TNNI3K: variants seen among roughly 807,000 people sequenced by gnomAD.
TNNI3K encodes serine/threonine-protein kinase TNNI3K.
A neutral mutation model predicts 114.5 loss-of-function variants in TNNI3K; 140 were observed. The ratio of observed to expected loss-of-function variants is 1.22; its 90% CI spans 1.07 to 1.41. The LOEUF (loss-of-function observed/expected upper bound fraction) is 1.41. Among genes scored for constraint, TNNI3K ranks in the 40% most tolerant of loss-of-function variants. The pLI is 0.00. For missense variants in TNNI3K, 1,125 were observed against 1,007.6 expected (o/e 1.12, Z -1.58); for synonymous variants, 347 against 347.5 (o/e 1.00, Z 0.02).
chr1:74,447,446 G>T (rs541337380), intron 20 of TNNI3K, among the ~76,000 whole-genome samples: 1 of 145,284 alleles, frequency 6.9e-6, no homozygotes, highest in African/African-American at 2.7e-5. Context: ...AAAAGTGGGC[G>T]AAGGACATGA....
At chr1:74,254,191 T>G (rs551228003) in intron 4 of TNNI3K, among the ~76,000 whole-genome samples, 1 of 152,308 alleles carries the variant, frequency 6.6e-6, no homozygotes, top group East Asian at 1.9e-4. Context: ...TGACAGTAAA[T>G]TGTATAAAAC....
rs188787027 is a variant in TNNI3K, at chr1:74,465,807, C to A, written c.2121+2257C>A. 9.2e-5 allele frequency among the ~76,000 whole-genome samples: 14 copies of A among 152,248 alleles called. No homozygotes were observed. In the East Asian group the frequency reaches 2.7e-3, roughly 29 times the overall value. ...CAGCACTCTGTGTCTAGCTCAGGGA[C>A]CGTAAACACACCAATCAGCACCCTG... On this transcript the variant is annotated intron_variant, in intron 21 of 24. Coordinates refer to ENST00000326637, the MANE Select transcript of TNNI3K (RefSeq NM_015978.3).
At chr1:74,235,874 T>C (rs1401205006) in intron 1 of TNNI3K, among the ~76,000 whole-genome samples, 1 of 151,560 alleles carries the variant, frequency 6.6e-6, no homozygotes, top group Non-Finnish European at 1.5e-5. Flanking sequence ...AATATATTTT[T>C]CTATGTAAAT....
intron 20 of TNNI3K, among the ~76,000 whole-genome samples, chr1:74,449,534 G>A (rs1409145113): frequency 6.6e-6 from 1 of 151,866 alleles, no homozygotes; most frequent in Non-Finnish European, 1.5e-5. Context: ...GACACACATA[G>A]GCTCAAAATA....
Position 74,540,441 on chromosome 1 carries a change from A to C in TNNI3K, c.2431+128A>C. On this transcript the variant is annotated intron_variant, in intron 24 of 24. Coordinates refer to ENST00000326637, the MANE Select transcript of TNNI3K (RefSeq NM_015978.3). ...ATGACAGATGCTTTAAAAATATAAA[A>C]GTATAAAATTTGATTTTATATGTCT... 4 of 892,242 alleles carry C rather than the reference A, an allele frequency of 4.5e-6. No individual in the cohort carries two copies. In the South Asian group the frequency reaches 7.6e-5, roughly 17 times the overall value. The allele number at this position is 892,242 out of a possible 1,614,324, so 55.3% of individuals were successfully genotyped here.
At chr1:74,293,121 T>G (rs1657780724) in intron 5 of TNNI3K, among the ~76,000 whole-genome samples, 1 of 151,724 alleles carries the variant, frequency 6.6e-6, no homozygotes, top group African/African-American at 2.4e-5. Context: ...TAATTGAATT[T>G]TATTCTACCC....
At chr1:74,276,040 A>G (rs1656663404) in intron 5 of TNNI3K, among the ~76,000 whole-genome samples, 1 of 152,130 alleles carries the variant, frequency 6.6e-6, no homozygotes, top group African/African-American at 2.4e-5. Flanking sequence ...CTTTGACTGC[A>G]TGATTTAGCA....
At chr1:74,539,277 G>GT (rs889807302) in intron 23 of TNNI3K, among the ~76,000 whole-genome samples, 4 of 152,180 alleles carry the variant, frequency 2.6e-5, no homozygotes, top group Non-Finnish European at 4.4e-5. Flanking sequence ...ACTGAACGAT[G>GT]TAATACTGGT....
chr1:74,290,548 A>G (rs1309201123), intron 5 of TNNI3K, among the ~76,000 whole-genome samples: 1 of 151,828 alleles, frequency 6.6e-6, no homozygotes, highest in East Asian at 1.9e-4. Flanking sequence ...TTAAATATTG[A>G]TTAAATCAAA....
At chr1:74,243,905 G>A (rs3765652) in intron 2 of TNNI3K, among the ~76,000 whole-genome samples, 1 of 151,974 alleles carries the variant, frequency 6.6e-6, no homozygotes, top group Non-Finnish European at 1.5e-5. Context: ...AAAAATGTAA[G>A]GGGAAATTAA....
chr1:74,528,951 A>T (rs888703312), intron 23 of TNNI3K, among the ~76,000 whole-genome samples: 1 of 152,224 alleles, frequency 6.6e-6, no homozygotes, highest in East Asian at 1.9e-4. Flanking sequence ...AAGGAGAAAG[A>T]TACAAAGAAA....
intron 23 of TNNI3K, among the ~76,000 whole-genome samples, chr1:74,524,449 A>G (rs1476763272): frequency 6.6e-6 from 1 of 152,176 alleles, no homozygotes; most frequent in East Asian, 1.9e-4. Flanking sequence ...TGTAGGGCCA[A>G]CTGGTGACTA....
intron 23 of TNNI3K, among the ~76,000 whole-genome samples, chr1:74,522,843 G>A (rs952851621): frequency 1.3e-5 from 2 of 152,154 alleles, no homozygotes; most frequent in Non-Finnish European, 2.9e-5. Context: ...CCTGTAGAAG[G>A]AATTCAAGAT....
chr1:74,266,304 T>C (rs184264592), intron 4 of TNNI3K, among the ~76,000 whole-genome samples: 28 of 152,162 alleles, frequency 1.8e-4, no homozygotes, highest in Admixed American at 1.2e-3. Context: ...ACCTTCTCCA[T>C]GTGGCCTGCA....
At chr1:74,282,254 C>T (rs1454678405) in intron 5 of TNNI3K, among the ~76,000 whole-genome samples, 1 of 152,062 alleles carries the variant, frequency 6.6e-6, no homozygotes, top group Non-Finnish European at 1.5e-5. Flanking sequence ...CTACTGCTAC[C>T]ATGGCCCATC....
At chr1:74,451,767 C>CTTT (rs60534624) in intron 20 of TNNI3K, among the ~76,000 whole-genome samples, 1 of 32,522 alleles carries the variant, frequency 3.1e-5, no homozygotes, top group Non-Finnish European at 5.8e-5. Context: ...CTTTTCTTTT[C>CTTT]TTCTTTTCTT....
At chr1:74,355,455 G>A (rs1570512463) in intron 11 of TNNI3K, among the ~76,000 whole-genome samples, 1 of 151,790 alleles carries the variant, frequency 6.6e-6, no homozygotes, top group Non-Finnish European at 1.5e-5. Flanking sequence ...AATACAAAAA[G>A]TAGCTGGGTG....
chr1:74,285,000 G>A (rs546403241), intron 5 of TNNI3K, among the ~76,000 whole-genome samples: 5 of 152,306 alleles, frequency 3.3e-5, no homozygotes, highest in African/African-American at 1.2e-4. Context: ...AAGTTAAATA[G>A]GATAAAGGGC....
At chr1:74,459,357 A>C (rs753731956) in intron 20 of TNNI3K, among the ~76,000 whole-genome samples, 6 of 152,210 alleles carry the variant, frequency 3.9e-5, no homozygotes, top group Non-Finnish European at 4.4e-5. Flanking sequence ...ACAAATAAAG[A>C]GGCAATTAAG....
Sources: gnomAD v4.1 joint callset for allele counts (sites outside exome capture counted in the v4.1 genomes callset) on GRCh38, gnomAD v4.1.1 for gene constraint, MANE v1.5 for transcripts, NCBI Gene and HGNC (gene_info 2026-07-23, HGNC 2026-07-21) for gene names.